RANBP17: variants seen among roughly 807,000 people sequenced by gnomAD.
RANBP17 encodes the protein RAN binding protein 17, also known as ran-binding protein 17.
A neutral mutation model predicts 141.2 loss-of-function variants in RANBP17; 158 were observed. The ratio of observed to expected loss-of-function variants is 1.12; its 90% CI spans 0.98 to 1.28. RANBP17 has a LOEUF of 1.28. Among genes scored for constraint, RANBP17 ranks in the 50% most tolerant of loss-of-function variants. The pLI, the probability that RANBP17 is intolerant of heterozygous loss-of-function variation, is 0.00. For missense variants in RANBP17, 1,438 were observed against 1,290.7 expected, an observed-to-expected ratio of 1.11 and a Z score of -1.75; for synonymous variants, 430 against 450.0, an observed-to-expected ratio of 0.96 and a Z score of 0.56.
chr5:171,267,536 A>G (rs1766800518), intron 25 of RANBP17, among the ~76,000 whole-genome samples: 1 of 152,158 alleles, frequency 6.6e-6, no homozygotes, highest in African/African-American at 2.4e-5. Flanking sequence ...GGCCGGGCGC[A>G]GTGACTCACG....
intron 26 of RANBP17, 64 bp downstream of exon 26, chr5:171,294,045 G>A: frequency 1.7e-6 from 2 of 1,205,808 alleles, no homozygotes; most frequent in Non-Finnish European, 2.5e-6. Flanking sequence ...CTATAAGCTA[G>A]GGTGAGCTGT....
intron 13 of RANBP17, 64 bp downstream of exon 13, chr5:170,953,766 C>A: frequency 1.9e-6 from 2 of 1,055,950 alleles, no homozygotes; most frequent in Non-Finnish European, 2.9e-6. Flanking sequence ...AGTTATTGAA[C>A]TAGTATTATG....
chr5:171,190,843 T>A (rs1350964252), intron 18 of RANBP17, among the ~76,000 whole-genome samples: 3 of 152,190 alleles, frequency 2.0e-5, no homozygotes, highest in Non-Finnish European at 4.4e-5. Flanking sequence ...TATTTGCAAA[T>A]TAAGTTTTTA....
intron 12 of RANBP17, among the ~76,000 whole-genome samples, chr5:170,948,785 TA>T (rs1359286048): frequency 1.3e-5 from 2 of 152,060 alleles, no homozygotes; most frequent in African/African-American, 2.4e-5. Context: ...GGAAGACTCA[TA>T]TTTTTTTTTA....
chr5:170,888,288 T>C (rs1021950782), intron 3 of RANBP17, among the ~76,000 whole-genome samples: 1 of 152,242 alleles, frequency 6.6e-6, no homozygotes, highest in African/African-American at 2.4e-5. Context: ...ATTGAATCTT[T>C]AGATATAGTT....
At chr5:171,194,007 C>T (rs1761816743) in intron 18 of RANBP17, among the ~76,000 whole-genome samples, 1 of 152,126 alleles carries the variant, frequency 6.6e-6, no homozygotes, top group African/African-American at 2.4e-5. Flanking sequence ...ACAGTAAATC[C>T]TCAGTAACTG....
chr5:171,144,189 C>A (rs1581727051), intron 14 of RANBP17, among the ~76,000 whole-genome samples: 1 of 151,820 alleles, frequency 6.6e-6, no homozygotes, highest in South Asian at 2.1e-4. Flanking sequence ...ATGATGAAAC[C>A]CTGTCTCTAC....
intron 19 of RANBP17, among the ~76,000 whole-genome samples, chr5:171,200,068 C>G (rs1369621748): frequency 6.6e-6 from 1 of 152,170 alleles, no homozygotes; most frequent in African/African-American, 2.4e-5. Context: ...CCACTTTAAA[C>G]ACCCCTATTC....
intron 14 of RANBP17, among the ~76,000 whole-genome samples, chr5:171,132,513 A>G (rs923145100): frequency 2.0e-5 from 3 of 152,096 alleles, no homozygotes; most frequent in African/African-American, 7.2e-5. Context: ...ACTCAAGCCC[A>G]GGAGTTCAAG....
At chr5:170,888,268 T>C (rs1437412932) in intron 3 of RANBP17, among the ~76,000 whole-genome samples, 1 of 152,232 alleles carries the variant, frequency 6.6e-6, no homozygotes, top group Non-Finnish European at 1.5e-5. Flanking sequence ...GGGGTTTTCA[T>C]TGGGATTGCA....
At chr5:170,865,165 T>A (rs1264428803) in intron 1 of RANBP17, among the ~76,000 whole-genome samples, 2 of 152,040 alleles carry the variant, frequency 1.3e-5, no homozygotes, top group African/African-American at 4.8e-5. Flanking sequence ...CGGGTTCCAG[T>A]GATTCTCTTG....
chr5:171,102,629 T>C (rs1787252703), intron 14 of RANBP17, among the ~76,000 whole-genome samples: 1 of 152,132 alleles, frequency 6.6e-6, no homozygotes, highest in Non-Finnish European at 1.5e-5. Flanking sequence ...TCCAATTTAG[T>C]TCCTTTGCTG....
chr5:171,165,136 G>A (rs780519619), intron 14 of RANBP17, among the ~76,000 whole-genome samples: 3 of 152,070 alleles, frequency 2.0e-5, no homozygotes, highest in Non-Finnish European at 2.9e-5. Context: ...CTCTGAGTTC[G>A]GGATCATCAT....
intron 22 of RANBP17, among the ~76,000 whole-genome samples, chr5:171,222,600 T>C (rs1763635536): frequency 6.6e-6 from 1 of 152,176 alleles, no homozygotes; most frequent in African/African-American, 2.4e-5. Context: ...AGCAAACTGT[T>C]AAGTAAATTT....
intron 24 of RANBP17, among the ~76,000 whole-genome samples, chr5:171,246,227 G>C (rs1358947431): frequency 6.6e-6 from 1 of 152,112 alleles, no homozygotes; most frequent in Non-Finnish European, 1.5e-5. Context: ...CACTGGAGAG[G>C]ACTCCCTTGG....
At chr5:171,021,893 A>T (rs1780881013) in intron 14 of RANBP17, among the ~76,000 whole-genome samples, 1 of 152,188 alleles carries the variant, frequency 6.6e-6, no homozygotes, top group South Asian at 2.1e-4. Context: ...ATTCTGTCTC[A>T]TCTTCGTGAG....
intron 14 of RANBP17, among the ~76,000 whole-genome samples, chr5:171,057,313 A>G (rs1783458474): frequency 6.6e-6 from 1 of 152,130 alleles, no homozygotes; most frequent in South Asian, 2.1e-4. Flanking sequence ...GTTCCTTTTT[A>G]TAGTGACAAA....
intron 14 of RANBP17, among the ~76,000 whole-genome samples, chr5:171,069,079 C>T (rs975008667): frequency 3.3e-5 from 5 of 152,106 alleles, no homozygotes; most frequent in Non-Finnish European, 5.9e-5. Flanking sequence ...ACCTGAATGC[C>T]TGGAACCAAT....
At chr5:171,227,724 T>C (rs1763962499) in intron 22 of RANBP17, among the ~76,000 whole-genome samples, 1 of 152,202 alleles carries the variant, frequency 6.6e-6, no homozygotes, top group Non-Finnish European at 1.5e-5. Flanking sequence ...AAGGACAGAC[T>C]GAGTCTCTTG....
Sources: gnomAD v4.1 joint callset for allele counts (sites outside exome capture counted in the v4.1 genomes callset) on GRCh38, gnomAD v4.1.1 for gene constraint, MANE v1.5 for transcripts, NCBI Gene and HGNC (gene_info 2026-07-23, HGNC 2026-07-21) for gene names.